MAML3: variants seen among roughly 807,000 people sequenced by gnomAD.
The protein encoded by MAML3 is mastermind like transcriptional coactivator 3.
In MAML3, 27 loss-of-function variants were observed where a neutral mutation model predicts 101.9. The ratio of observed to expected loss-of-function variants is 0.27; its 90% confidence interval spans 0.20 to 0.37. The LOEUF (loss-of-function observed/expected upper bound fraction) is 0.37. MAML3 is among the 10% of genes least tolerant of loss of function. The pLI is 1.00. For missense variants in MAML3, 1,316 were observed against 1,444.9 expected (o/e 0.91, Z 1.45); for synonymous variants, 501 against 555.9 (o/e 0.90, Z 1.39).
At chr4:139,882,685 C>T (rs541367719) in intron 2 of MAML3, among the ~76,000 whole-genome samples, 1 of 152,198 alleles carries the variant, frequency 6.6e-6, no homozygotes, top group South Asian at 2.1e-4. Context: ...TCTATCTCTA[C>T]TAAAAATACA....
chr4:140,121,326 T>C (rs1216132763), intron 1 of MAML3, among the ~76,000 whole-genome samples: 1 of 152,258 alleles, frequency 6.6e-6, no homozygotes. Context: ...AATGCACTCT[T>C]GGAAGCCTTA....
intron 1 of MAML3, among the ~76,000 whole-genome samples, chr4:139,923,498 A>T (rs1733166639): frequency 6.6e-6 from 1 of 152,220 alleles, no homozygotes; most frequent in African/African-American, 2.4e-5. Context: ...AGGCCTGGAA[A>T]TATGGATAAG....
chr4:139,730,688 G>T (rs780201911), intron 2 of MAML3, 21 bp from the exon 3 acceptor site: 1 of 1,599,156 alleles, frequency 6.3e-7, no homozygotes, highest in Non-Finnish European at 8.5e-7. Context: ...AAGAGAGAGG[G>T]AGATGCAGGG....
chr4:139,746,204 A>G (rs1729314170), intron 2 of MAML3, among the ~76,000 whole-genome samples: 1 of 152,234 alleles, frequency 6.6e-6, no homozygotes, highest in South Asian at 2.1e-4. Flanking sequence ...ATGGTATGTT[A>G]TATTTTTGTA....
intron 1 of MAML3, among the ~76,000 whole-genome samples, chr4:140,090,212 C>A (rs145068569): frequency 3.3e-4 from 51 of 152,314 alleles, no homozygotes; most frequent in African/African-American, 1.0e-3. Context: ...AATGGACATT[C>A]TACAGAGTGC....
At chr4:139,829,609 G>A (rs1249706075) in intron 2 of MAML3, among the ~76,000 whole-genome samples, 2 of 152,170 alleles carry the variant, frequency 1.3e-5, no homozygotes, top group Non-Finnish European at 2.9e-5. Flanking sequence ...AGAGTAAGCA[G>A]GAAGAATGAC....
chr4:139,717,263 CCTGT>C lies in MAML3; in HGVS notation c.*2056_*2059del. ...TTAAAAGATAATGGAGCCCCCCACC[CCTGT>C]CTGTCTCACTTCCATTAGCCACCTC... On this transcript the variant is annotated 3_prime_UTR_variant, in exon 5 of 5. Coordinates refer to ENST00000509479, the MANE Select transcript of MAML3 (RefSeq NM_018717.5). 1 of 152,718 alleles carries C rather than the reference CCTGT, an allele frequency of 6.5e-6. No homozygotes were observed. Among genetic ancestry groups the C allele is most frequent in the South Asian group, 2.1e-4 (1 of 4,822 alleles). The allele number at this position is 152,718 out of a possible 1,614,324, so 9.5% of individuals were successfully genotyped here.
At chr4:140,078,570 G>A (rs567525586) in intron 1 of MAML3, among the ~76,000 whole-genome samples, 26 of 152,174 alleles carry the variant, frequency 1.7e-4, no homozygotes, top group East Asian at 1.4e-3. Flanking sequence ...GAGCCTGGGC[G>A]GAAGACCCAG....
chr4:140,097,381 A>G (rs1417596504), intron 1 of MAML3, among the ~76,000 whole-genome samples: 1 of 152,192 alleles, frequency 6.6e-6, no homozygotes, highest in African/African-American at 2.4e-5. Context: ...GGAGCTGCTT[A>G]GAAGGAGAAG....
chr4:139,883,885 T>C (rs1732271596), intron 2 of MAML3, among the ~76,000 whole-genome samples: 2 of 134,356 alleles, frequency 1.5e-5, no homozygotes, highest in Admixed American at 1.7e-4. Context: ...AAATAATTGC[T>C]TGTCTTTTTT....
At chr4:139,944,824 A>C (rs1733676553) in intron 1 of MAML3, among the ~76,000 whole-genome samples, 2 of 146,198 alleles carry the variant, frequency 1.4e-5, no homozygotes, top group Admixed American at 1.4e-4. Context: ...GATGTGGAGA[A>C]ATAGGAACAC....
Position 139,719,560 on chromosome 4 carries a change from C to T in MAML3, c.3180G>A (p.Ala1060=), listed in dbSNP as rs372589434. ...GCTGCTGTGCTGGGGGCTGGCTGAA[C>T]GCTGGCATGCCTGGGACTCCCTGGC... ...GLSQGVPGMP[A]FSQPPAQQQI... Residue 1060 remains alanine (A), a synonymous_variant, in exon 5 of 5, where the codon GCG becomes GCA. Transcript: ENST00000509479. 3.2e-5 allele frequency: 52 copies of T among 1,613,724 alleles called. No homozygotes were observed. The highest frequency in any genetic ancestry group is 3.3e-4 in the Middle Eastern group (2 of 6,062).
At chr4:140,149,223 A>G (rs1729115893) in intron 1 of MAML3, among the ~76,000 whole-genome samples, 1 of 152,220 alleles carries the variant, frequency 6.6e-6, no homozygotes, top group African/African-American at 2.4e-5. Context: ...AGGGGAAGAA[A>G]AAAACTATGT....
chr4:139,935,048 G>A (rs1046920622), intron 1 of MAML3, among the ~76,000 whole-genome samples: 8 of 152,006 alleles, frequency 5.3e-5, no homozygotes, highest in African/African-American at 1.9e-4. Context: ...GGCAACGTAC[G>A]GCTGCCAATA....
intron 2 of MAML3, among the ~76,000 whole-genome samples, chr4:139,779,457 T>A (rs1730159510): frequency 6.6e-6 from 1 of 152,236 alleles, no homozygotes; most frequent in Non-Finnish European, 1.5e-5. Flanking sequence ...GTGGTCACAA[T>A]TTTAATTATG....
chr4:139,797,400 C>T (rs1730529870), intron 2 of MAML3, among the ~76,000 whole-genome samples: 1 of 152,154 alleles, frequency 6.6e-6, no homozygotes, highest in South Asian at 2.1e-4. Context: ...TAAAGACACA[C>T]ATTCCCATGG....
intron 2 of MAML3, among the ~76,000 whole-genome samples, chr4:139,734,606 C>G (rs4580611): frequency 0.53 from 81,070 of 152,082 alleles, 22,083 homozygotes; most frequent in African/African-American, 0.64. Flanking sequence ...TTTCTAAAGG[C>G]TAGAGTGAGG....
chr4:139,797,963 C>T (rs893162686), intron 2 of MAML3, among the ~76,000 whole-genome samples: 2 of 144,048 alleles, frequency 1.4e-5, no homozygotes, highest in South Asian at 4.4e-4. Context: ...GGTGAAGGGA[C>T]CTGAAGTATA....
intron 2 of MAML3, among the ~76,000 whole-genome samples, chr4:139,788,904 T>C (rs990182645): frequency 1.3e-5 from 2 of 152,210 alleles, no homozygotes; most frequent in Non-Finnish European, 2.9e-5. Context: ...AGAGTAGCCC[T>C]GGATCACTTT....
Sources: allele counts gnomAD v4.1 joint callset (sites outside exome capture counted in the v4.1 genomes callset), GRCh38; gene constraint gnomAD v4.1.1; transcripts MANE v1.5; gene names NCBI Gene and HGNC (gene_info 2026-07-23, HGNC 2026-07-21).